Variants in GABRA5 observed in about 807,000 individuals in gnomAD.
The protein encoded by GABRA5 is gamma-aminobutyric acid receptor subunit alpha-5.
GABRA5 carries 18 observed loss-of-function variants against 47.3 expected under a neutral mutation model. The observed-to-expected ratio is 0.38, with a 90% CI of 0.26 to 0.56. GABRA5 has a LOEUF of 0.56. Among genes scored for constraint, GABRA5 ranks in the 20% least tolerant of loss-of-function variants. The pLI is 0.71. For missense variants in GABRA5, 365 were observed against 599.3 expected (o/e 0.61, Z 4.08); for synonymous variants, 237 against 229.3 (o/e 1.03, Z -0.30).
intron 9 of GABRA5, among the ~76,000 whole-genome samples, chr15:26,941,103 C>T (rs988622975): frequency 4.3e-4 from 65 of 152,308 alleles, no homozygotes; most frequent in Non-Finnish European, 6.9e-4. Flanking sequence ...GTGCTCCCGT[C>T]TGATCATCAC....
chr15:26,872,899 A>G (rs8042112), intron 3 of GABRA5, among the ~76,000 whole-genome samples: 102,110 of 152,078 alleles, frequency 0.67, 34,387 homozygotes, highest in East Asian at 0.78. Context: ...GATAACTGAT[A>G]TGAAATTGCT....
At chr15:26,947,105 C>T (rs1340543378) in intron 10 of GABRA5, among the ~76,000 whole-genome samples, 4 of 152,222 alleles carry the variant, frequency 2.6e-5, no homozygotes, top group South Asian at 2.1e-4. Flanking sequence ...ATCCACACAC[C>T]GTATTCCCTC....
At chr15:26,868,497 A>G (rs1483304280) in intron 1 of GABRA5, among the ~76,000 whole-genome samples, 1 of 152,208 alleles carries the variant, frequency 6.6e-6, no homozygotes, top group Admixed American at 6.5e-5. Context: ...CAGGAAGGTT[A>G]GTCGTTGAGC....
At chr15:26,881,584 T>G (rs1892729980) in intron 4 of GABRA5, among the ~76,000 whole-genome samples, 1 of 152,236 alleles carries the variant, frequency 6.6e-6, no homozygotes, top group Admixed American at 6.5e-5. Context: ...TCCAGGCATG[T>G]GCAATCCCCT....
rs750382923 is a variant in GABRA5 at position 26,943,328 on chromosome 15, G to A, written c.991G>A (p.Val331Ile). The change falls in exon 10 of 11, where the codon GTC (valine) becomes ATC (isoleucine). Residue 331 changes from valine (V) to isoleucine (I), a missense_variant. Around this residue, in one of 3 missense-constraint regions of GABRA5, gnomAD observed 43 missense variants for 133.7 expected, o/e 0.32. Transcript: ENST00000335625. Reference protein sequence around the residue: ...DWFIAVCYAFVFSALIEFATV... With the variant: ...DWFIAVCYAFIFSALIEFATV... Reference sequence around the variant, plus strand: ...GTTCATAGCCGTGTGCTATGCCTTCGTCTTCTCGGCGCTGATAGAGTTTGC... The same window carrying A: ...GTTCATAGCCGTGTGCTATGCCTTCATCTTCTCGGCGCTGATAGAGTTTGC... The A allele has an allele frequency of 1.3e-6, 2 of 1,593,392 alleles. No homozygotes were observed. The highest frequency in any genetic ancestry group is 1.7e-6 in the Non-Finnish European group (2 of 1,170,088).
chr15:26,931,239 A>G (rs1396813970), intron 7 of GABRA5, among the ~76,000 whole-genome samples: 1 of 152,156 alleles, frequency 6.6e-6, no homozygotes, highest in Non-Finnish European at 1.5e-5. Flanking sequence ...CTATAACAGA[A>G]TACCAAATAT....
intron 7 of GABRA5, among the ~76,000 whole-genome samples, chr15:26,936,223 T>G (rs1894240067): frequency 6.6e-6 from 1 of 152,238 alleles, no homozygotes; most frequent in Non-Finnish European, 1.5e-5. Context: ...CCTCTTTTCT[T>G]GATAAATTAC....
rs1595388557 is a variant in GABRA5, at chr15:26,868,379, A to T, written c.-139-350A>T. On this transcript the variant is annotated intron_variant, in intron 1 of 10. Transcript: ENST00000335625. ...CTCCCAATTCCGGAGTTTGCGGGGG[A>T]TGGGGGTTGGGGGGGCTTCTTGGGA... Among the ~76,000 whole-genome samples, 3 of 147,990 alleles carry T rather than the reference A, an allele frequency of 2.0e-5. No individual in the cohort carries two copies. In the South Asian group the frequency reaches 6.8e-4, roughly 33 times the overall value.
At chr15:26,892,986 AGT>A (rs1193404090) in intron 6 of GABRA5, among the ~76,000 whole-genome samples, 6 of 142,752 alleles carry the variant, frequency 4.2e-5, no homozygotes, top group Admixed American at 2.1e-4. Context: ...GGGTGTATAG[AGT>A]GTGGCGTGTG....
At chr15:26,885,383 T>A (rs1892854577) in intron 6 of GABRA5, among the ~76,000 whole-genome samples, 1 of 151,708 alleles carries the variant, frequency 6.6e-6, no homozygotes, top group African/African-American at 2.4e-5. Flanking sequence ...TCAAAGCATC[T>A]TTCTGGAGAC....
intron 10 of GABRA5, among the ~76,000 whole-genome samples, chr15:26,944,839 C>T (rs1303950680): frequency 1.3e-5 from 2 of 152,078 alleles, no homozygotes; most frequent in South Asian, 2.1e-4. Context: ...AGGGAGGAGC[C>T]GGAAGTCCCT....
chr15:26,869,680 T>TA (rs1184550674), intron 3 of GABRA5, among the ~76,000 whole-genome samples: 1 of 152,256 alleles, frequency 6.6e-6, no homozygotes, highest in African/African-American at 2.4e-5. Context: ...CACTGCTTGT[T>TA]AGACAAGGCA....
Position 26,908,257 on chromosome 15 carries a change from G to A in GABRA5, c.498-6546G>A, listed in dbSNP as rs888214996. On this transcript the variant is annotated intron_variant, in intron 6 of 10. Transcript: ENST00000335625. ...TACAGCTGGGTTTCCTTTCCAAGAC[G>A]CCCCACTCATAGCACAAACTATGCT... 4.6e-5 allele frequency among the ~76,000 whole-genome samples: 7 copies of A among 151,934 alleles called. No homozygotes were observed. In the South Asian group the frequency reaches 1.5e-3, roughly 32 times the overall value.
chr15:26,907,442 A>G (rs1893471350), intron 6 of GABRA5, among the ~76,000 whole-genome samples: 1 of 152,184 alleles, frequency 6.6e-6, no homozygotes, highest in African/African-American at 2.4e-5. Flanking sequence ...CCGCAGCAGG[A>G]CTTGATGTCT....
At chr15:26,870,170 C>A (rs1313147355) in intron 3 of GABRA5, among the ~76,000 whole-genome samples, 1 of 152,186 alleles carries the variant, frequency 6.6e-6, no homozygotes, top group Non-Finnish European at 1.5e-5. Context: ...GTTTCACAGC[C>A]TATCCACATT....
intron 6 of GABRA5, among the ~76,000 whole-genome samples, chr15:26,911,382 C>CAA (rs2140290844): frequency 6.9e-6 from 1 of 145,682 alleles, no homozygotes; most frequent in East Asian, 2.0e-4. Context: ...CACACACACA[C>CAA]ACACACACAC....
At chr15:26,911,917 G>A (rs983508858) in intron 6 of GABRA5, among the ~76,000 whole-genome samples, 1 of 152,170 alleles carries the variant, frequency 6.6e-6, no homozygotes, top group African/African-American at 2.4e-5. Context: ...CCACCCTGAC[G>A]ATGGCATAGA....
At chr15:26,929,186 T>C (rs1894032109) in intron 7 of GABRA5, among the ~76,000 whole-genome samples, 1 of 152,228 alleles carries the variant, frequency 6.6e-6, no homozygotes, top group African/African-American at 2.4e-5. Context: ...GTATGATTTA[T>C]CTTTGGGCAG....
chr15:26,877,179 T>C (rs28415251), intron 3 of GABRA5, among the ~76,000 whole-genome samples: 64,506 of 152,056 alleles, frequency 0.42, 13,836 homozygotes, highest in African/African-American at 0.45. Flanking sequence ...CATAAAACAA[T>C]GTGGTGCCTG....
Sources: allele counts gnomAD v4.1 joint callset (sites outside exome capture counted in the v4.1 genomes callset), GRCh38; gene constraint gnomAD v4.1.1; regional missense constraint gnomAD v4.1.1; transcripts MANE v1.5; gene names NCBI Gene and HGNC (gene_info 2026-07-23, HGNC 2026-07-21).